The following GGT1 variants were observed in gnomAD, a reference collection of about 807,000 sequenced individuals.
The protein encoded by GGT1 is gamma-glutamyltransferase 1, also known as glutathione hydrolase 1 proenzyme.
GGT1 carries 21 observed loss-of-function variants against 56.0 expected under a neutral mutation model. The ratio of observed to expected loss-of-function variants is 0.38; its 90% confidence interval spans 0.27 to 0.54. GGT1 has a LOEUF of 0.54. Ranked by LOEUF, GGT1 falls within the 20% of genes least tolerant of loss-of-function variation. The pLI is 0.82. For synonymous variants in GGT1, 238 were observed against 342.6 expected (o/e 0.69, Z 3.37); for missense variants, 466 against 787.0 (o/e 0.59, Z 4.88).
intron 11 of GGT1, chr22:24,627,094 A>C (rs2047835565): frequency 1.6e-6 from 1 of 608,216 alleles, no homozygotes; most frequent in Non-Finnish European, 2.6e-6. Flanking sequence ...TGAGAGCAGG[A>C]CCTAAGTGTC....
the GGT1 span, chr22:24,586,176 G>A: frequency 6.2e-7 from 1 of 1,613,672 alleles, no homozygotes; most frequent in South Asian, 1.1e-5. Context: ...GCCCGCGTCA[G>A]TCGGTTGCCG....
the GGT1 span, chr22:24,588,581 A>T: frequency 2.2e-6 from 2 of 907,266 alleles, no homozygotes; most frequent in Non-Finnish European, 3.0e-6. Flanking sequence ...GAGGAAGCCC[A>T]GACAATGAGC....
upstream of GGT1, among the ~76,000 whole-genome samples, chr22:24,590,901 C>G (rs1387652511): frequency 6.6e-6 from 1 of 152,188 alleles, no homozygotes; most frequent in Non-Finnish European, 1.5e-5. Flanking sequence ...CCCCAGCTCA[C>G]CTAGTCATCC....
At chr22:24,593,847 G>C (rs1601604077), upstream of GGT1, among the ~76,000 whole-genome samples, 1 of 152,064 alleles carries the variant, frequency 6.6e-6, no homozygotes, top group East Asian at 1.9e-4. Flanking sequence ...TGTAGGACCT[G>C]CTCACGCTAC....
At chr22:24,597,540 G>A (rs1244206643) in intron 1 of GGT1, among the ~76,000 whole-genome samples, 1 of 152,142 alleles carries the variant, frequency 6.6e-6, no homozygotes, top group Non-Finnish European at 1.5e-5. Flanking sequence ...AATTAGCTGG[G>A]TATGGTGGCA....
chr22:24,593,513 C>T (rs1448310014), upstream of GGT1, among the ~76,000 whole-genome samples: 3 of 152,104 alleles, frequency 2.0e-5, no homozygotes, highest in African/African-American at 7.2e-5. Flanking sequence ...TTAGGCCGGG[C>T]ATGGTGGCTC....
intron 4 of GGT1, 87 bp downstream of exon 4, chr22:24,610,618 G>A (rs1217364359): frequency 3.0e-5 from 5 of 169,464 alleles, no homozygotes; most frequent in Non-Finnish European, 6.3e-5. Context: ...CAGGTGGGGT[G>A]GAGGGTCTTC....
At chr22:24,588,893 T>C in the GGT1 span, 5 of 1,002,730 alleles carry the variant, frequency 5.0e-6, no homozygotes, top group Middle Eastern at 5.0e-4. Context: ...CTAACTGGGC[T>C]CCGGCAGAGG....
upstream of GGT1, among the ~76,000 whole-genome samples, chr22:24,602,360 A>C (rs1358355352): frequency 1.3e-5 from 2 of 152,212 alleles, no homozygotes; most frequent in African/African-American, 4.8e-5. Flanking sequence ...TTGAGAGAAG[A>C]ATCTGGAGGG....
Position 24,620,906 on chromosome 22 carries a change from G to C in GGT1, c.576-7G>C, listed in dbSNP as rs561078506. ...CTGCTGCCTCACATGAGCCCCCTCT[G>C]CCCCAGTGAGGTGTTCTGCCGGGAT... On this transcript the variant is annotated splice_polypyrimidine_tract_variant and splice_region_variant and intron_variant, in intron 8 of 15. Coordinates refer to ENST00000400382, the MANE Select transcript of GGT1 (RefSeq NM_001288833.2). This position sits in a 1 kb window ranked among gnomAD's most constrained non-coding sequence, Gnocchi z 5.6. 3.1e-6 allele frequency: 5 copies of C among 1,611,596 alleles called. No homozygotes were observed. Among genetic ancestry groups the C allele is most frequent in the Non-Finnish European group, 4.2e-6 (5 of 1,179,734 alleles).
the GGT1 span, among the ~76,000 whole-genome samples, chr22:24,585,279 T>C: frequency 6.6e-6 from 1 of 152,198 alleles, no homozygotes; most frequent in Non-Finnish European, 1.5e-5. Flanking sequence ...GCTGTGGTGG[T>C]GAGGCTGGCA....
chr22:24,591,529 G>A (rs1366996991), upstream of GGT1, among the ~76,000 whole-genome samples: 1 of 152,214 alleles, frequency 6.6e-6, no homozygotes, highest in African/African-American at 2.4e-5. Context: ...GGCAGGGGAG[G>A]CCGTGGGTCA....
At chr22:24,595,298 T>A (rs1461098602) in intron 1 of GGT1, among the ~76,000 whole-genome samples, 1 of 152,154 alleles carries the variant, frequency 6.6e-6, no homozygotes, top group Non-Finnish European at 1.5e-5. Context: ...AGTGGGCTTT[T>A]GGAGACAATT....
chr22:24,586,349 G>A, the GGT1 span: 48 of 1,613,916 alleles, frequency 3.0e-5, no homozygotes, highest in African/African-American at 4.5e-4. Flanking sequence ...TGTCGACAGC[G>A]GGATGCCTGA....
At chr22:24,586,136 T>C in the GGT1 span, 1 of 1,613,360 alleles carries the variant, frequency 6.2e-7, no homozygotes, top group Non-Finnish European at 8.5e-7. Context: ...GGTGGTGTCC[T>C]TGATGGCATC....
the GGT1 span, chr22:24,586,562 G>A: frequency 8.7e-6 from 8 of 918,532 alleles, no homozygotes; most frequent in South Asian, 9.9e-5. Flanking sequence ...ACAAAGTTTC[G>A]CTCTTTTTGT....
At chr22:24,605,945 A>G (rs1248420212) in intron 1 of GGT1, among the ~76,000 whole-genome samples, 3 of 82,860 alleles carry the variant, frequency 3.6e-5, no homozygotes, top group African/African-American at 5.3e-5. Flanking sequence ...TATAATATAT[A>G]ATATTATATA....
upstream of GGT1, chr22:24,592,580 C>T (rs1299209386): frequency 6.2e-6 from 3 of 480,534 alleles, no homozygotes; most frequent in Non-Finnish European, 1.1e-5. Flanking sequence ...CACAACCCCT[C>T]TCAAACCCCA....
At chr22:24,587,369 C>T in the GGT1 span, among the ~76,000 whole-genome samples, 1 of 152,166 alleles carries the variant, frequency 6.6e-6, no homozygotes, top group Non-Finnish European at 1.5e-5. Context: ...CTAGGTCTCT[C>T]CCCAGTTATC....
Sources: allele counts gnomAD v4.1 joint callset (sites outside exome capture counted in the v4.1 genomes callset), GRCh38; gene constraint gnomAD v4.1.1; non-coding constraint Gnocchi (gnomAD v3.1); transcripts MANE v1.5; gene names NCBI Gene and HGNC (gene_info 2026-07-23, HGNC 2026-07-21).